The following SIPA1L1 variants were observed in gnomAD, a reference collection of about 807,000 sequenced individuals.
The protein encoded by SIPA1L1 is signal induced proliferation associated 1 like 1, also known as signal-induced proliferation-associated 1-like protein 1.
A neutral mutation model predicts 162.7 loss-of-function variants in SIPA1L1; 26 were observed. That is an observed-to-expected ratio of 0.16 (90% CI 0.12 to 0.22). The LOEUF is 0.22. Among genes scored for constraint, SIPA1L1 ranks in the 10% least tolerant of loss-of-function variants. The probability of loss-of-function intolerance (pLI) is 1.00; values close to 1 mark genes in which losing one functional copy is unlikely to be tolerated. For synonymous variants in SIPA1L1, 829 were observed against 837.4 expected (o/e 0.99, Z 0.17); for missense variants, 1,874 against 2,241.0 (o/e 0.84, Z 3.31).
At chr14:71,679,404 A>G (rs1388859508) in intron 12 of SIPA1L1, among the ~76,000 whole-genome samples, 1 of 152,230 alleles carries the variant, frequency 6.6e-6, no homozygotes, top group South Asian at 2.1e-4. Context: ...TGTCACCACC[A>G]GGCCTGCCCT....
chr14:71,397,195 C>T (rs2041272554), intron 2 of SIPA1L1, among the ~76,000 whole-genome samples: 1 of 152,044 alleles, frequency 6.6e-6, no homozygotes, highest in African/African-American at 2.4e-5. Context: ...AACAGTATAG[C>T]CATCTTCTCC....
rs961237420 is a variant in SIPA1L1, at chr14:71,377,349, G to A, written c.-465+56168G>A. On this transcript the variant is annotated intron_variant, in intron 2 of 23. Coordinates refer to ENST00000381232, the MANE Select transcript of SIPA1L1 (RefSeq NM_001386936.1). This position sits in a 1 kb window ranked among gnomAD's most constrained non-coding sequence, Gnocchi z 4.8. ...CCTCAACTTCTCAGACGGGGCGGCCGGGCGGAGGCACTCCTCAGTTCCCAG... is the reference window on the plus strand; with the variant it reads ...CCTCAACTTCTCAGACGGGGCGGCCAGGCGGAGGCACTCCTCAGTTCCCAG... 4.6e-5 allele frequency among the ~76,000 whole-genome samples: 7 copies of A among 151,522 alleles called. No individual in the cohort carries two copies. Among genetic ancestry groups the A allele is most frequent in the African/African-American group, 7.3e-5 (3 of 41,244 alleles).
At chr14:71,513,133 C>G (rs2051332839) in intron 3 of SIPA1L1, among the ~76,000 whole-genome samples, 1 of 152,208 alleles carries the variant, frequency 6.6e-6, no homozygotes, top group African/African-American at 2.4e-5. Flanking sequence ...AGGCCATGGT[C>G]ACTCATGTTT....
In SIPA1L1 at chr14:71,467,070, G is replaced by A. The variant is rs575951229; in HGVS notation, c.-464-45673G>A. The A allele has an allele frequency of 3.9e-5, 6 of 152,228 alleles. No individual in the cohort carries two copies. The South Asian group carries it at 1.2e-3, about 32-fold the overall frequency. 9.4% of individuals were successfully genotyped at this position (152,228 alleles called of 1,614,324 possible). ...AGAGAGAAATTTTCCTGCCTGCTTG[G>A]AACAACACTTTGAATTGTCATGTGA... On this transcript the variant is annotated intron_variant, in intron 2 of 23. Transcript: ENST00000381232.
At chr14:71,556,711 T>C (rs1213515667) in intron 4 of SIPA1L1, among the ~76,000 whole-genome samples, 1 of 152,264 alleles carries the variant, frequency 6.6e-6, no homozygotes, top group Non-Finnish European at 1.5e-5. Context: ...CAAGAACTTC[T>C]ACATGTTCAC....
chr14:71,460,543 A>G (rs1428631125), intron 2 of SIPA1L1, among the ~76,000 whole-genome samples: 1 of 152,180 alleles, frequency 6.6e-6, no homozygotes, highest in Non-Finnish European at 1.5e-5. Context: ...GTCTTGACTT[A>G]AAGGTAGGAG....
chr14:71,353,969 T>G (rs1442524449), intron 2 of SIPA1L1, among the ~76,000 whole-genome samples: 1 of 151,926 alleles, frequency 6.6e-6, no homozygotes, highest in African/African-American at 2.4e-5. Flanking sequence ...ACCAAAAGAA[T>G]AGGAAAAGAC....
At chr14:71,655,799 C>T (rs1017894533) in intron 8 of SIPA1L1, among the ~76,000 whole-genome samples, 1 of 152,004 alleles carries the variant, frequency 6.6e-6, no homozygotes, top group Non-Finnish European at 1.5e-5. Context: ...GTTATTTACC[C>T]ACTTTTTAAT....
At chr14:71,506,099 A>G (rs1804862465) in intron 2 of SIPA1L1, among the ~76,000 whole-genome samples, 1 of 151,950 alleles carries the variant, frequency 6.6e-6, no homozygotes, top group Non-Finnish European at 1.5e-5. Flanking sequence ...CCAGGTTTGC[A>G]CACGTTGTCC....
chr14:71,444,238 A>G (rs141049886), intron 2 of SIPA1L1, among the ~76,000 whole-genome samples: 3 of 152,322 alleles, frequency 2.0e-5, no homozygotes, highest in East Asian at 3.9e-4. Context: ...GTTGCCTCTT[A>G]GGTGCTCAGA....
intron 2 of SIPA1L1, among the ~76,000 whole-genome samples, chr14:71,471,938 C>G (rs960416762): frequency 1.3e-5 from 2 of 152,176 alleles, no homozygotes; most frequent in African/African-American, 4.8e-5. Flanking sequence ...GCCCTGGGGC[C>G]CAACATTTGG....
chr14:71,443,732 C>G (rs921592510), intron 2 of SIPA1L1, among the ~76,000 whole-genome samples: 1 of 152,176 alleles, frequency 6.6e-6, no homozygotes, highest in Non-Finnish European at 1.5e-5. Flanking sequence ...CCCAGACTTA[C>G]AGTATTAGAT....
At chr14:71,706,440 A>T (rs1380807244) in intron 16 of SIPA1L1, among the ~76,000 whole-genome samples, 5 of 152,220 alleles carry the variant, frequency 3.3e-5, no homozygotes, top group Admixed American at 3.3e-4. Flanking sequence ...TTTTACTAGA[A>T]AATTTAAAAT....
intron 5 of SIPA1L1, among the ~76,000 whole-genome samples, chr14:71,593,810 T>C (rs1456673046): frequency 1.3e-5 from 2 of 152,126 alleles, no homozygotes; most frequent in Non-Finnish European, 2.9e-5. Context: ...GCTCCACTGA[T>C]CAACAGTGTT....
chr14:71,615,543 T>C (rs1455574182), intron 5 of SIPA1L1, among the ~76,000 whole-genome samples: 1 of 152,156 alleles, frequency 6.6e-6, no homozygotes, highest in Non-Finnish European at 1.5e-5. Context: ...GTCCAGAAGC[T>C]GGAATTCACA....
At chr14:71,627,438 C>A (rs889005120) in intron 7 of SIPA1L1, among the ~76,000 whole-genome samples, 9 of 152,046 alleles carry the variant, frequency 5.9e-5, no homozygotes, top group Admixed American at 2.0e-4. Context: ...TGAGCCACCA[C>A]GCCCGCCTTT....
intron 4 of SIPA1L1, among the ~76,000 whole-genome samples, chr14:71,565,798 G>A (rs1596157628): frequency 7.0e-6 from 1 of 143,804 alleles, no homozygotes; most frequent in African/African-American, 2.6e-5. Context: ...TACAGTTTTT[G>A]GAAAACTCCT....
At chr14:71,496,995 C>A (rs377089422) in intron 2 of SIPA1L1, among the ~76,000 whole-genome samples, 1 of 151,988 alleles carries the variant, frequency 6.6e-6, no homozygotes, top group African/African-American at 2.4e-5. Context: ...CATGGTGAAA[C>A]CCCACCTCTA....
chr14:71,723,868 G>C lies in SIPA1L1; in HGVS notation c.4430G>C (p.Gly1477Ala). Residue 1477 changes from glycine to alanine, a missense_variant, in exon 18 of 24, where the codon GGA (glycine) becomes GCA (alanine). By Grantham distance (60) the Gly-to-Ala change is moderately conservative. Around this residue, in one of 5 missense-constraint regions of SIPA1L1, gnomAD observed 936 missense variants for 1,051.9 expected, o/e 0.89. Transcript: ENST00000381232. ...CCCGAAGGAACCATAAACTCCGTGG[G>C]ATTTATGGACACGAGAAAGTAAGAG... ...KKPEGTINSV[G>A]FMDTRKRHQS... The C allele has an allele frequency of 6.2e-7, 1 of 1,614,188 alleles. No individual in the cohort carries two copies. Among genetic ancestry groups the C allele is most frequent in the Non-Finnish European group, 8.5e-7 (1 of 1,180,036 alleles).
Sources: allele counts gnomAD v4.1 joint callset (sites outside exome capture counted in the v4.1 genomes callset), GRCh38; gene constraint gnomAD v4.1.1; regional missense constraint gnomAD v4.1.1; non-coding constraint Gnocchi (gnomAD v3.1); transcripts MANE v1.5; gene names NCBI Gene and HGNC (gene_info 2026-07-23, HGNC 2026-07-21).